Variants in PRRG4 observed in about 807,000 individuals in gnomAD.
PRRG4 encodes the protein transmembrane gamma-carboxyglutamic acid protein 4.
In PRRG4, 12 loss-of-function variants were observed where a neutral mutation model predicts 20.0. The observed-to-expected ratio is 0.60, with a 90% CI of 0.38 to 0.97. The LOEUF (loss-of-function observed/expected upper bound fraction) is 0.97, where lower values mean the gene tolerates loss of function less well. Among genes scored for constraint, PRRG4 ranks in the 50% least tolerant of loss-of-function variants. The pLI is 0.00. For missense variants in PRRG4, 199 were observed against 265.1 expected, an observed-to-expected ratio of 0.75 and a Z score of 1.73; for synonymous variants, 94 against 96.4, an observed-to-expected ratio of 0.98 and a Z score of 0.15.
chr11:32,842,011 TAG>T (rs1851084073), intron 5 of PRRG4, among the ~76,000 whole-genome samples: 1 of 152,208 alleles, frequency 6.6e-6, no homozygotes, highest in Non-Finnish European at 1.5e-5. Context: ...GTTAAATATT[TAG>T]AGTTTTTGTC....
intron 4 of PRRG4, among the ~76,000 whole-genome samples, chr11:32,839,451 T>C (rs917152869): frequency 6.6e-6 from 1 of 152,076 alleles, no homozygotes; most frequent in African/African-American, 2.4e-5. Context: ...TGGCAGGTTA[T>C]GTTGCATAGC....
At chr11:32,841,288 G>A (rs963024856) in intron 5 of PRRG4, among the ~76,000 whole-genome samples, 1 of 152,050 alleles carries the variant, frequency 6.6e-6, no homozygotes, top group Non-Finnish European at 1.5e-5. Flanking sequence ...TATATTAGAA[G>A]ACTCTTTGTC....
intron 5 of PRRG4, among the ~76,000 whole-genome samples, chr11:32,851,326 A>T (rs1286430539): frequency 1.3e-5 from 2 of 152,200 alleles, no homozygotes; most frequent in Admixed American, 1.3e-4. Flanking sequence ...AAATTTATTT[A>T]TTCAAATAAA....
intron 3 of PRRG4, among the ~76,000 whole-genome samples, chr11:32,837,613 A>G (rs1851036602): frequency 6.7e-6 from 1 of 150,260 alleles, no homozygotes; most frequent in Non-Finnish European, 1.5e-5. Flanking sequence ...GCTGGAGTGC[A>G]GTGGAGCAAT....
At chr11:32,848,601 T>C (rs989180245) in intron 5 of PRRG4, among the ~76,000 whole-genome samples, 4 of 151,292 alleles carry the variant, frequency 2.6e-5, no homozygotes, top group Non-Finnish European at 5.9e-5. Flanking sequence ...GTATATAATA[T>C]GTGTATATGT....
chr11:32,846,534 GC>G (rs1851131902), intron 5 of PRRG4, among the ~76,000 whole-genome samples: 1 of 152,174 alleles, frequency 6.6e-6, no homozygotes, highest in Non-Finnish European at 1.5e-5. Flanking sequence ...CATAGTGTCT[GC>G]CCCCATGGCT....
intron 5 of PRRG4, among the ~76,000 whole-genome samples, chr11:32,845,102 A>T (rs1399715474): frequency 3.3e-5 from 5 of 152,124 alleles, no homozygotes; most frequent in Non-Finnish European, 7.3e-5. Flanking sequence ...TGTAAAAAAA[A>T]TAAAAATAAA....
chr11:32,853,559 G>A lies in PRRG4; in HGVS notation c.*32G>A. On this transcript the variant is annotated 3_prime_UTR_variant, in exon 6 of 6. Coordinates refer to ENST00000257836, the MANE Select transcript of PRRG4 (RefSeq NM_024081.6). ...TGTCATTTTGGTATAAGAAATTTGT[G>A]TTATTTGATAGGCCGGGCATGGTGG... 1.3e-6 allele frequency: 2 copies of A among 1,564,612 alleles called. No individual in the cohort carries two copies. Among genetic ancestry groups the A allele is most frequent in the East Asian group, 2.2e-5 (1 of 44,628 alleles).
At chr11:32,846,529 T>G (rs2133447942) in intron 5 of PRRG4, among the ~76,000 whole-genome samples, 1 of 152,322 alleles carries the variant, frequency 6.6e-6, no homozygotes, top group East Asian at 1.9e-4. Context: ...ACAAGCATAG[T>G]GTCTGCCCCC....
At position 32,853,733 on chromosome 11, in the gene PRRG4, CAGG is replaced by C. The variant is rs766281046; in HGVS notation, c.*209_*211del. 7 of 501,164 alleles carry C rather than the reference CAGG, an allele frequency of 1.4e-5. No homozygotes were observed. Among genetic ancestry groups the C allele is most frequent in the Non-Finnish European group, 2.2e-5 (6 of 276,846 alleles). 31.0% of individuals were successfully genotyped at this position (501,164 alleles called of 1,614,324 possible). On this transcript the variant is annotated 3_prime_UTR_variant, in exon 6 of 6. Coordinates refer to ENST00000257836, the MANE Select transcript of PRRG4 (RefSeq NM_024081.6). ...GTCCCACCTACTTGGGAGGCTGAAG[CAGG>C]AGAATTGCTCGAACCTGGGAGGCAG...
chr11:32,853,637 G>A lies in PRRG4; in HGVS notation c.*110G>A. 1 of 812,952 alleles carries A rather than the reference G, an allele frequency of 1.2e-6. No individual in the cohort carries two copies. Among genetic ancestry groups the A allele is most frequent in the Non-Finnish European group, 2.0e-6 (1 of 506,636 alleles). 50.4% of individuals were successfully genotyped at this position (812,952 alleles called of 1,614,324 possible). ...GAGGCCAGGAGTTCGAGACCAGCCT[G>A]GCCAACATGGTGAAACCCGGTCTCT... On this transcript the variant is annotated 3_prime_UTR_variant, in exon 6 of 6. Transcript: ENST00000257836.
chr11:32,845,184 G>A (rs1338513547), intron 5 of PRRG4, among the ~76,000 whole-genome samples: 2 of 152,002 alleles, frequency 1.3e-5, no homozygotes, highest in Non-Finnish European at 2.9e-5. Context: ...ACCATATACT[G>A]TACACCACTT....
At chr11:32,847,015 A>C (rs1224544330) in intron 5 of PRRG4, among the ~76,000 whole-genome samples, 1 of 152,102 alleles carries the variant, frequency 6.6e-6, no homozygotes, top group East Asian at 1.9e-4. Context: ...AAATAAAGAA[A>C]GAACTTGGGA....
chr11:32,832,354 G>A (rs1850980360), intron 2 of PRRG4, among the ~76,000 whole-genome samples: 1 of 152,146 alleles, frequency 6.6e-6, no homozygotes, highest in Non-Finnish European at 1.5e-5. Context: ...AGGAAAGAGT[G>A]AGTAGCAGTA....
At chr11:32,852,939 A>ATTTTTTT (rs34615143) in intron 5 of PRRG4, among the ~76,000 whole-genome samples, 188 of 98,878 alleles carry the variant, frequency 1.9e-3, no homozygotes, top group Middle Eastern at 5.5e-3. Context: ...TGCCCGGCTA[A>ATTTTTTT]TTTTTTTTTT....
intron 5 of PRRG4, among the ~76,000 whole-genome samples, chr11:32,852,988 C>T (rs11032024): frequency 0.17 from 23,579 of 140,828 alleles, 2,583 homozygotes; most frequent in East Asian, 0.53. Flanking sequence ...CAGGGTTTCA[C>T]CATGTTAGCC....
intron 2 of PRRG4, among the ~76,000 whole-genome samples, chr11:32,835,028 G>A (rs1405030685): frequency 6.6e-6 from 1 of 152,068 alleles, no homozygotes; most frequent in East Asian, 1.9e-4. Flanking sequence ...TGCCCAGGCT[G>A]GTCTCCAACT....
At position 32,856,920 on chromosome 11, in the gene PRRG4, C is replaced by T. The variant is rs906928035; in HGVS notation, c.*3393C>T. 2.0e-5 allele frequency: 3 copies of T among 152,176 alleles called. No homozygotes were observed. Among genetic ancestry groups the T allele is most frequent in the Admixed American group, 6.6e-5 (1 of 15,234 alleles). The allele number at this position is 152,176 out of a possible 1,614,324, so 9.4% of individuals were successfully genotyped here. ...CAATCACAACTCACTGTAGCCTGAA[C>T]TTCGGGGCTCAAGCAATCCTCCCAC... On this transcript the variant is annotated 3_prime_UTR_variant, in exon 6 of 6. Transcript: ENST00000257836.
chr11:32,834,765 G>A (rs1012313241), intron 2 of PRRG4, among the ~76,000 whole-genome samples: 1 of 150,996 alleles, frequency 6.6e-6, no homozygotes, highest in Non-Finnish European at 1.5e-5. Flanking sequence ...AAATCCTTGT[G>A]TGTATTTTAC....
Sources: allele counts gnomAD v4.1 joint callset (sites outside exome capture counted in the v4.1 genomes callset), GRCh38; gene constraint gnomAD v4.1.1; transcripts MANE v1.5; gene names NCBI Gene and HGNC (gene_info 2026-07-23, HGNC 2026-07-21).